Variants in KLF8 observed in about 807,000 individuals in gnomAD.
KLF8 encodes the protein KLF transcription factor 8.
In KLF8, 10 loss-of-function variants were observed where a neutral mutation model predicts 18.2. The ratio of observed to expected loss-of-function variants is 0.55; its 90% confidence interval spans 0.34 to 0.93. The LOEUF (loss-of-function observed/expected upper bound fraction) is 0.93, where lower values mean the gene tolerates loss of function less well. Ranked by LOEUF, KLF8 falls within the 40% of genes least tolerant of loss-of-function variation. The probability of loss-of-function intolerance (pLI) is 0.02; values close to 1 mark genes in which losing one functional copy is unlikely to be tolerated. For missense variants in KLF8, 264 were observed against 277.9 expected, an observed-to-expected ratio of 0.95 and a Z score of 0.36; for synonymous variants, 109 against 97.3, an observed-to-expected ratio of 1.12 and a Z score of -0.71.
chrX:56,199,209 A>C, the KLF8 span, among the ~76,000 whole-genome samples: 2 of 111,903 alleles, frequency 1.8e-5, no homozygotes, highest in African/African-American at 6.5e-5. Context: ...ACACCAAAAG[A>C]AATGGCAACA....
At chrX:55,989,944 G>A in the KLF8 span, among the ~76,000 whole-genome samples, 1 of 111,695 alleles carries the variant, frequency 9.0e-6, no homozygotes, top group East Asian at 2.8e-4. Context: ...GGGTGTATGT[G>A]TCAAGGAATT....
chrX:55,989,352 C>A, the KLF8 span, among the ~76,000 whole-genome samples: 1 of 112,115 alleles, frequency 8.9e-6, no homozygotes, highest in Non-Finnish European at 1.9e-5. Context: ...TCATAGATAG[C>A]TCTTATTATT....
chrX:56,226,006 C>A, the KLF8 span, among the ~76,000 whole-genome samples: 1 of 112,156 alleles, frequency 8.9e-6, no homozygotes, highest in Admixed American at 9.4e-5. Flanking sequence ...TTGCAGTGAG[C>A]CCTCTGAGAG....
chrX:56,129,708 C>A, the KLF8 span, among the ~76,000 whole-genome samples: 3 of 109,691 alleles, frequency 2.7e-5, no homozygotes, highest in African/African-American at 1.0e-4. Context: ...AGTGCGCAGA[C>A]TCAACAGGCA....
the KLF8 span, among the ~76,000 whole-genome samples, chrX:56,044,787 C>G: frequency 8.0e-5 from 9 of 112,619 alleles, no homozygotes; most frequent in African/African-American, 2.6e-4. Context: ...GCCAGTGAGT[C>G]TTAACTTGTG....
chrX:55,908,455 G>C, the KLF8 span: 1 of 297,314 alleles, frequency 3.4e-6, no homozygotes, highest in Non-Finnish European at 5.9e-6. Flanking sequence ...ACTGGCAGCT[G>C]AGAGATACCA....
At chrX:55,992,641 AT>A in the KLF8 span, among the ~76,000 whole-genome samples, 2 of 112,129 alleles carry the variant, frequency 1.8e-5, no homozygotes, top group Admixed American at 1.9e-4. Flanking sequence ...AAAGAATGTC[AT>A]TGGTAGTTTG....
At chrX:55,944,272 G>C in the KLF8 span, among the ~76,000 whole-genome samples, 49 of 109,600 alleles carry the variant, frequency 4.5e-4, no homozygotes, top group Admixed American at 1.2e-3. Flanking sequence ...TGTTCATCAA[G>C]GATATTGGTC....
chrX:56,098,544 T>TA, the KLF8 span, among the ~76,000 whole-genome samples: 3 of 110,879 alleles, frequency 2.7e-5, no homozygotes, highest in Middle Eastern at 4.6e-3. Flanking sequence ...CTTTTATGAT[T>TA]AAAAAAAATA....
chrX:55,935,107 A>G, the KLF8 span, among the ~76,000 whole-genome samples: 10 of 112,595 alleles, frequency 8.9e-5, no homozygotes, highest in African/African-American at 2.6e-4. Context: ...AAAGTGTTCA[A>G]TAAATGTTAG....
the KLF8 span, among the ~76,000 whole-genome samples, chrX:55,948,720 A>T: frequency 5.4e-5 from 6 of 110,638 alleles, no homozygotes; most frequent in Middle Eastern, 4.2e-3. Context: ...CACTCTTGCA[A>T]TATAGTGGGA....
chrX:56,043,066 G>C, the KLF8 span, among the ~76,000 whole-genome samples: 1 of 111,335 alleles, frequency 9.0e-6, no homozygotes, highest in African/African-American at 3.3e-5. Context: ...TTTCTCCTTT[G>C]CTTATGAAAC....
At chrX:56,119,679 T>A in the KLF8 span, among the ~76,000 whole-genome samples, 2 of 109,938 alleles carry the variant, frequency 1.8e-5, no homozygotes, top group African/African-American at 6.6e-5. Flanking sequence ...GGATTACAGG[T>A]GTGAGCCACC....
At chrX:56,038,271 C>T in the KLF8 span, among the ~76,000 whole-genome samples, 1 of 111,598 alleles carries the variant, frequency 9.0e-6, no homozygotes, top group Admixed American at 9.5e-5. Context: ...AGATCCGTTA[C>T]ATAAGTAAAC....
At chrX:56,162,684 A>T in the KLF8 span, among the ~76,000 whole-genome samples, 1 of 111,638 alleles carries the variant, frequency 9.0e-6, no homozygotes. Flanking sequence ...GTCTTTGACT[A>T]GGAAAGGGAA....
the KLF8 span, among the ~76,000 whole-genome samples, chrX:56,199,196 A>G: frequency 8.9e-6 from 1 of 112,203 alleles, no homozygotes; most frequent in Admixed American, 9.4e-5. Flanking sequence ...CTTCCTGACT[A>G]AAACACCAAA....
Position 56,291,385 on chromosome X carries a change from A to G in KLF8, c.*6891A>G, listed in dbSNP as rs1186293054. On this transcript the variant is annotated 3_prime_UTR_variant, in exon 6 of 6. Transcript: ENST00000468660. ...GAGATACTCAAGATTTGCCTCTGTTAGCATGGCCACTTAGAGATTACTCTG... is the reference window on the plus strand; with the variant it reads ...GAGATACTCAAGATTTGCCTCTGTTGGCATGGCCACTTAGAGATTACTCTG... 8.9e-6 allele frequency among the ~76,000 whole-genome samples: 1 copy of G among 111,845 alleles called. No individual in the cohort carries two copies. The highest frequency in any genetic ancestry group is 1.9e-5 in the Non-Finnish European group (1 of 53,144).
the KLF8 span, among the ~76,000 whole-genome samples, chrX:55,946,518 C>A: frequency 5.3e-4 from 59 of 111,560 alleles, no homozygotes; most frequent in African/African-American, 1.8e-3. Context: ...CGTTAGACCT[C>A]AAACCATAAA....
Position 56,270,347 on chromosome X carries a change from AACACACACACACAC to A in KLF8, c.898+47_898+60del, listed in dbSNP as rs370151924. On this transcript the variant is annotated intron_variant, in intron 5 of 5. Transcript: ENST00000468660. ...GTCTGCCCACTCCCATCTCACCCCC[AACACACACACACAC>A]ACACACACACACACACACACGAGAG... 1.2e-5 allele frequency: 8 copies of A among 652,200 alleles called. No homozygotes were observed. The African/African-American group carries it at 1.3e-4, about 11-fold the overall frequency. The allele number at this position is 652,200 out of a possible 1,213,427, so 53.7% of individuals were successfully genotyped here. A position where few individuals can be genotyped will look rare whatever the true frequency, so the allele number is the denominator to read the frequency against.
Sources: gnomAD v4.1 joint callset for allele counts (sites outside exome capture counted in the v4.1 genomes callset) on GRCh38, gnomAD v4.1.1 for gene constraint, MANE v1.5 for transcripts, NCBI Gene and HGNC (gene_info 2026-07-23, HGNC 2026-07-21) for gene names.